The following KSR1 variants were observed in gnomAD, a reference collection of about 807,000 sequenced individuals.
KSR1 encodes the protein kinase suppressor of ras.
In KSR1, 35 loss-of-function variants were observed where a neutral mutation model predicts 92.9. The observed-to-expected ratio is 0.38, with a 90% CI of 0.29 to 0.50. The LOEUF (loss-of-function observed/expected upper bound fraction) is 0.50. KSR1 is among the 20% of genes least tolerant of loss of function. The pLI is 0.94. For synonymous variants in KSR1, 467 were observed against 472.6 expected (o/e 0.99, Z 0.15); for missense variants, 972 against 1,158.5 (o/e 0.84, Z 2.34).
intron 2 of KSR1, among the ~76,000 whole-genome samples, chr17:27,573,630 C>G (rs2072392945): frequency 6.6e-6 from 1 of 152,214 alleles, no homozygotes; most frequent in South Asian, 2.1e-4. Flanking sequence ...AATTAATTTA[C>G]TTCGAAAAAA....
chr17:27,541,346 G>A (rs2070955893), intron 1 of KSR1, among the ~76,000 whole-genome samples: 1 of 152,248 alleles, frequency 6.6e-6, no homozygotes, highest in South Asian at 2.1e-4. Context: ...TCTTAAAAGG[G>A]ATGGCCTCAG....
chr17:27,617,420 G>T lies in KSR1; in HGVS notation c.2619G>T (p.Lys873Asn). ...TCTCCCACCCTGGACACTTCTGGAAGTCAGCTGAGTAAGTGCCTCTTCCAT... is the reference window on the plus strand; with the variant it reads ...TCTCCCACCCTGGACACTTCTGGAATTCAGCTGAGTAAGTGCCTCTTCCAT... ...RRLSHPGHFW[K>N]SADRWRSRYY... Residue 873 changes from lysine to asparagine, a missense_variant, in exon 19 of 21, where the codon AAG (lysine) becomes AAT (asparagine). Transcript: ENST00000644974. 1 of 1,606,742 alleles carries T rather than the reference G, an allele frequency of 6.2e-7. No homozygotes were observed. Among genetic ancestry groups the T allele is most frequent in the Non-Finnish European group, 8.5e-7 (1 of 1,174,320 alleles).
At chr17:27,521,315 G>C (rs1246102329) in intron 1 of KSR1, among the ~76,000 whole-genome samples, 3 of 151,588 alleles carry the variant, frequency 2.0e-5, no homozygotes, top group African/African-American at 7.3e-5. Flanking sequence ...TGAGGACAGT[G>C]AGTTGACAAA....
chr17:27,530,060 C>T (rs1197955495), intron 1 of KSR1, among the ~76,000 whole-genome samples: 3 of 152,176 alleles, frequency 2.0e-5, no homozygotes, highest in South Asian at 2.1e-4. Context: ...AACCAACCAA[C>T]CCATCCCACA....
chr17:27,550,467 C>A, intron 1 of KSR1, 101 bp from the exon 2 acceptor site: 2 of 711,528 alleles, frequency 2.8e-6, no homozygotes, highest in Non-Finnish European at 5.2e-6. Context: ...TCCCTCATCA[C>A]ATTGCTTGTG....
chr17:27,526,525 A>G, intron 1 of KSR1: 1 of 1,603,302 alleles, frequency 6.2e-7, no homozygotes. Context: ...GCCATCTCAC[A>G]CTCTCGCTCT....
rs2074329239 is a variant in KSR1 at position 27,625,840 on chromosome 17, G to T, written c.*2448G>T. ...GTCTGAGAGTGGAGCCCAAGCTTTG[G>T]CCCTCCAGGCATCCCCAGTTTCCAG... On this transcript the variant is annotated 3_prime_UTR_variant, in exon 21 of 21. Transcript: ENST00000644974. 1 of 152,240 alleles carries T rather than the reference G, an allele frequency of 6.6e-6. No homozygotes were observed. Among genetic ancestry groups the T allele is most frequent in the Non-Finnish European group, 1.5e-5 (1 of 68,072 alleles). The allele number at this position is 152,240 out of a possible 1,614,324, so 9.4% of individuals were successfully genotyped here. A position where few individuals can be genotyped will look rare whatever the true frequency, so the allele number is the denominator to read the frequency against.
intron 1 of KSR1, among the ~76,000 whole-genome samples, chr17:27,492,013 C>A (rs1281164167): frequency 6.6e-6 from 1 of 152,168 alleles, no homozygotes; most frequent in African/African-American, 2.4e-5. Context: ...CGGCCTCCAC[C>A]AAGGCTGTGG....
chr17:27,615,369 T>A (rs2074029327), intron 18 of KSR1, among the ~76,000 whole-genome samples: 1 of 152,212 alleles, frequency 6.6e-6, no homozygotes, highest in African/African-American at 2.4e-5. Context: ...TGGGATTACA[T>A]TTTCTTTGTG....
intron 1 of KSR1, among the ~76,000 whole-genome samples, chr17:27,514,489 T>A (rs2069716079): frequency 6.6e-6 from 1 of 151,970 alleles, no homozygotes; most frequent in African/African-American, 2.4e-5. Context: ...TGAAACCCCG[T>A]CTCTATTAAA....
intron 1 of KSR1, among the ~76,000 whole-genome samples, chr17:27,526,044 TTCTCTC>T (rs55737393): frequency 8.1e-6 from 1 of 122,878 alleles, no homozygotes; most frequent in African/African-American, 3.4e-5. Context: ...TTTCTTTTCT[TTCTCTC>T]TCTCTCTCTC....
intron 2 of KSR1, among the ~76,000 whole-genome samples, chr17:27,557,055 A>G (rs1026710948): frequency 1.3e-5 from 2 of 152,168 alleles, no homozygotes; most frequent in Non-Finnish European, 2.9e-5. Context: ...CTGTGGGGAA[A>G]GGGACTTCCC....
At chr17:27,551,222 C>T (rs2071386365) in intron 2 of KSR1, among the ~76,000 whole-genome samples, 1 of 152,190 alleles carries the variant, frequency 6.6e-6, no homozygotes, top group South Asian at 2.1e-4. Context: ...CTACAATATG[C>T]TGTCTTCCTT....
intron 1 of KSR1, among the ~76,000 whole-genome samples, chr17:27,476,471 T>C (rs1481246374): frequency 6.6e-6 from 1 of 152,166 alleles, no homozygotes; most frequent in Non-Finnish European, 1.5e-5. Context: ...TGTGATCCCA[T>C]CTTCTCAGGG....
rs1275843488 is a variant in KSR1, at chr17:27,583,104, A to G, written c.979A>G (p.Arg327Gly). Residue 327 changes from arginine to glycine, a missense_variant and splice_region_variant, in exon 4 of 21, where the codon AGG becomes GGG. Physicochemically the swap from Arg to Gly is moderately radical, Grantham distance 125. Around this residue, in one of 5 missense-constraint regions of KSR1, gnomAD observed 611 missense variants for 668.0 expected, o/e 0.91. Coordinates refer to ENST00000644974, the MANE Select transcript of KSR1 (RefSeq NM_001394583.1). ...GNRIDDVSSM[R>G]FDLSHGSPQM... ...CCGCATTGATGACGTCTCCTCGATG[A>G]GGTGAGTGCTCCTTCTGGGCAGCTA... 1 of 1,538,542 alleles carries G rather than the reference A, an allele frequency of 6.5e-7. No individual in the cohort carries two copies. Among genetic ancestry groups the G allele is most frequent in the South Asian group, 1.3e-5 (1 of 78,916 alleles).
intron 1 of KSR1, among the ~76,000 whole-genome samples, chr17:27,521,313 G>A (rs2070020699): frequency 6.6e-6 from 1 of 151,560 alleles, no homozygotes; most frequent in Non-Finnish European, 1.5e-5. Flanking sequence ...CATGAGGACA[G>A]TGAGTTGACA....
At chr17:27,525,689 C>G (rs1331414761) in intron 1 of KSR1, among the ~76,000 whole-genome samples, 1 of 152,186 alleles carries the variant, frequency 6.6e-6, no homozygotes, top group Admixed American at 6.5e-5. Flanking sequence ...TCCAGAGGTT[C>G]TCTCTAAACC....
intron 1 of KSR1, among the ~76,000 whole-genome samples, chr17:27,477,464 A>ACAC (rs2068379963): frequency 2.0e-5 from 3 of 152,200 alleles, no homozygotes; most frequent in Admixed American, 2.0e-4. Context: ...TCTTGAGGGC[A>ACAC]CACCAGTGGT....
At chr17:27,533,964 C>CGTGTGTGTGTGTGT (rs60306092) in intron 1 of KSR1, among the ~76,000 whole-genome samples, 37 of 151,740 alleles carry the variant, frequency 2.4e-4, no homozygotes, top group African/African-American at 7.0e-4. Context: ...CGTGTGCGCA[C>CGTGTGTGTGTGTGT]GTGTGTGTGT....
Sources: allele counts gnomAD v4.1 joint callset (sites outside exome capture counted in the v4.1 genomes callset), GRCh38; gene constraint gnomAD v4.1.1; regional missense constraint gnomAD v4.1.1; transcripts MANE v1.5; gene names NCBI Gene and HGNC (gene_info 2026-07-23, HGNC 2026-07-21).